DOK5: variants seen among roughly 807,000 people sequenced by gnomAD.
DOK5 encodes downstream of tyrosine kinase 5.
Under a neutral mutation model 43.3 loss-of-function variants are expected in DOK5, and 27 were observed. The ratio of observed to expected loss-of-function variants is 0.62; its 90% CI spans 0.46 to 0.86. The LOEUF is 0.86. Ranked by LOEUF, DOK5 falls within the 40% of genes least tolerant of loss-of-function variation. DOK5 has a pLI of 0.00. For synonymous variants in DOK5, 146 were observed against 140.1 expected (o/e 1.04, Z -0.30); for missense variants, 373 against 392.9 (o/e 0.95, Z 0.43).
rs1450911180 is a variant in DOK5 at position 54,569,964 on chromosome 20, G to C, written c.174+14924G>C. Among the ~76,000 whole-genome samples the C allele has an allele frequency of 2.6e-5, 4 of 152,250 alleles. No individual in the cohort carries two copies. In the South Asian group the frequency reaches 6.2e-4, roughly 24 times the overall value. The stretch of plus-strand genomic sequence containing the variant: ...TAAGAAAATTTTAATAAAAGTGTTT[G>C]CTTAAACTGCTATGTTCAAGGGTCC... On this transcript the variant is annotated intron_variant, in intron 2 of 7. Coordinates refer to ENST00000262593, the MANE Select transcript of DOK5 (RefSeq NM_018431.5).
At chr20:54,546,896 G>T (rs1460464922) in intron 1 of DOK5, among the ~76,000 whole-genome samples, 1 of 152,128 alleles carries the variant, frequency 6.6e-6, no homozygotes, top group Non-Finnish European at 1.5e-5. Flanking sequence ...GGTGGAGGGG[G>T]TTGAAAAAGC....
chr20:54,636,495 G>C (rs1978828815), intron 6 of DOK5, among the ~76,000 whole-genome samples: 1 of 152,126 alleles, frequency 6.6e-6, no homozygotes, highest in Non-Finnish European at 1.5e-5. Context: ...CTGACAACCA[G>C]ATGGCCCCAC....
intron 6 of DOK5, among the ~76,000 whole-genome samples, chr20:54,611,264 T>A (rs563529499): frequency 6.6e-6 from 1 of 152,298 alleles, no homozygotes; most frequent in South Asian, 2.1e-4. Context: ...ATTACATAAA[T>A]AATTATGTTC....
At chr20:54,572,341 T>A (rs1985309998) in intron 2 of DOK5, among the ~76,000 whole-genome samples, 1 of 151,952 alleles carries the variant, frequency 6.6e-6, no homozygotes, top group Admixed American at 6.6e-5. Context: ...TTTGTATTTC[T>A]TTAGTAGAGA....
chr20:54,647,455 T>C (rs996427297), intron 7 of DOK5, among the ~76,000 whole-genome samples: 12 of 149,340 alleles, frequency 8.0e-5, no homozygotes, highest in Admixed American at 5.4e-4. Flanking sequence ...CAGTGAGCCA[T>C]GATCATGCCA....
intron 1 of DOK5, among the ~76,000 whole-genome samples, chr20:54,544,691 G>A (rs950439446): frequency 3.3e-5 from 5 of 152,190 alleles, no homozygotes; most frequent in Non-Finnish European, 5.9e-5. Context: ...GGGTGCTGCT[G>A]ATTGGTTGTG....
At chr20:54,550,065 A>G (rs1373379978) in intron 1 of DOK5, among the ~76,000 whole-genome samples, 1 of 151,852 alleles carries the variant, frequency 6.6e-6, no homozygotes, top group Non-Finnish European at 1.5e-5. Context: ...GTTCATTTTC[A>G]TGGCTGAATC....
intron 1 of DOK5, among the ~76,000 whole-genome samples, chr20:54,521,052 C>T (rs1983376420): frequency 6.6e-6 from 1 of 152,016 alleles, no homozygotes. Context: ...TGCTCCCTTA[C>T]ATCACCTGGC....
chr20:54,642,979 T>G (rs966728032), intron 6 of DOK5, among the ~76,000 whole-genome samples: 1 of 152,180 alleles, frequency 6.6e-6, no homozygotes, highest in Non-Finnish European at 1.5e-5. Context: ...GAGAAATCAT[T>G]CAACACATGT....
intron 1 of DOK5, among the ~76,000 whole-genome samples, chr20:54,532,905 T>C (rs562962274): frequency 8.5e-5 from 13 of 152,322 alleles, no homozygotes; most frequent in Middle Eastern, 6.8e-3. Context: ...GGACAACTGG[T>C]ATGTCTTGGC....
In DOK5 at chr20:54,500,655, G is replaced by A. The variant is rs546593901; in HGVS notation, c.66+24643G>A. ...CGGCTCACCACAACCTCTACCTCCC[G>A]GATTCAAGCGATTCTCCTGCCTCAG... On this transcript the variant is annotated intron_variant, in intron 1 of 7. Transcript: ENST00000262593. Among the ~76,000 whole-genome samples, 21 of 146,812 alleles carry A rather than the reference G, an allele frequency of 1.4e-4. No homozygotes were observed. In the East Asian group the frequency reaches 2.3e-3, roughly 16 times the overall value.
intron 1 of DOK5, among the ~76,000 whole-genome samples, chr20:54,536,922 C>T (rs1250321434): frequency 1.3e-5 from 2 of 152,178 alleles, no homozygotes; most frequent in East Asian, 3.9e-4. Context: ...CTGCGGAGAC[C>T]ACATGGGAAG....
At chr20:54,595,527 G>GT (rs1986114125) in intron 5 of DOK5, among the ~76,000 whole-genome samples, 2 of 152,046 alleles carry the variant, frequency 1.3e-5, no homozygotes, top group Admixed American at 1.3e-4. Context: ...AGATATAAGT[G>GT]TTTTATCCCA....
chr20:54,561,295 T>A (rs554450327), intron 2 of DOK5, among the ~76,000 whole-genome samples: 13 of 152,308 alleles, frequency 8.5e-5, no homozygotes, highest in Non-Finnish European at 1.5e-4. Context: ...GATCCCTTCT[T>A]CTTTGGTAAT....
intron 1 of DOK5, among the ~76,000 whole-genome samples, chr20:54,486,261 T>C (rs1203943460): frequency 6.6e-6 from 1 of 152,156 alleles, no homozygotes; most frequent in African/African-American, 2.4e-5. Context: ...ATTGAGCATT[T>C]TCATGTCTTC....
chr20:54,640,018 C>T (rs1979029110), intron 6 of DOK5, among the ~76,000 whole-genome samples: 1 of 152,168 alleles, frequency 6.6e-6, no homozygotes, highest in South Asian at 2.1e-4. Flanking sequence ...CCAGCCTGGA[C>T]AGGATGCCCT....
In DOK5 at chr20:54,650,691, A is replaced by G. The variant is rs1001675593; in HGVS notation, c.*212A>G. On this transcript the variant is annotated 3_prime_UTR_variant, in exon 8 of 8. Coordinates refer to ENST00000262593, the MANE Select transcript of DOK5 (RefSeq NM_018431.5). ...TCTTAGTGTAATTGAAACGTGCTCT[A>G]TAGATATTGACTCTGTGTTCCCTCT... 1.7e-5 allele frequency: 8 copies of G among 469,908 alleles called. No homozygotes were observed. Among genetic ancestry groups the G allele is most frequent in the Middle Eastern group, 4.9e-4 (1 of 2,026 alleles). 29.1% of individuals were successfully genotyped at this position (469,908 alleles called of 1,614,324 possible). A position where few individuals can be genotyped will look rare whatever the true frequency, so the allele number is the denominator to read the frequency against.
At chr20:54,595,165 C>T (rs1228538601) in intron 5 of DOK5, among the ~76,000 whole-genome samples, 2 of 152,074 alleles carry the variant, frequency 1.3e-5, no homozygotes, top group South Asian at 2.1e-4. Context: ...CACGGTGAAA[C>T]CCCATCTCTA....
intron 1 of DOK5, among the ~76,000 whole-genome samples, chr20:54,499,218 A>T (rs993143024): frequency 2.0e-5 from 3 of 152,230 alleles, no homozygotes; most frequent in African/African-American, 7.2e-5. Flanking sequence ...GGATTCTTAC[A>T]TGCCATGCTA....
Sources: gnomAD v4.1 joint callset for allele counts (sites outside exome capture counted in the v4.1 genomes callset) on GRCh38, gnomAD v4.1.1 for gene constraint, MANE v1.5 for transcripts, NCBI Gene and HGNC (gene_info 2026-07-23, HGNC 2026-07-21) for gene names.